Variants in RAB33A observed in about 807,000 individuals in gnomAD.
The protein encoded by RAB33A is RAB33A, member RAS oncogene family.
Under a neutral mutation model 12.0 loss-of-function variants are expected in RAB33A, and 6 were observed. That is an observed-to-expected ratio of 0.50 (90% CI 0.27 to 0.99). The LOEUF is 0.99. Among genes scored for constraint, RAB33A ranks in the 50% least tolerant of loss-of-function variants. The probability of loss-of-function intolerance (pLI) is 0.11; values close to 1 mark genes in which losing one functional copy is unlikely to be tolerated. For synonymous variants in RAB33A, 70 were observed against 82.4 expected, an observed-to-expected ratio of 0.85 and a Z score of 0.81; for missense variants, 109 against 192.0, an observed-to-expected ratio of 0.57 and a Z score of 2.55.
intron 1 of RAB33A, among the ~76,000 whole-genome samples, chrX:130,174,214 AC>A (rs1266640776): frequency 8.9e-6 from 1 of 112,527 alleles, no homozygotes; most frequent in Non-Finnish European, 1.9e-5. Context: ...TGACAGTGTG[AC>A]TCACTAGAAA....
chrX:130,152,346 G>C, the RAB33A span, among the ~76,000 whole-genome samples: 5 of 111,003 alleles, frequency 4.5e-5, no homozygotes, highest in Middle Eastern at 4.6e-3. Flanking sequence ...AGGTCGATCT[G>C]TCTGATATAT....
At chrX:130,139,903 C>T in the RAB33A span, 270 of 1,145,135 alleles carry the variant, frequency 2.4e-4, 4 homozygotes, top group East Asian at 8.0e-3. Flanking sequence ...CCCTTTAGCC[C>T]AACAAGCAGG....
At chrX:130,158,362 T>G in the RAB33A span, among the ~76,000 whole-genome samples, 6 of 112,343 alleles carry the variant, frequency 5.3e-5, no homozygotes, top group Non-Finnish European at 1.1e-4. Context: ...GGCTTTGGCC[T>G]GTGGCTGTAG....
the RAB33A span, chrX:130,149,694 A>G: frequency 1.9e-6 from 1 of 527,142 alleles, no homozygotes; most frequent in Non-Finnish European, 3.2e-6. Context: ...TGTCAAAACC[A>G]CTAAGACAAA....
the RAB33A span, chrX:130,155,390 C>G: frequency 9.9e-7 from 1 of 1,012,259 alleles, no homozygotes; most frequent in African/African-American, 1.9e-5. Context: ...TTTGGTTACC[C>G]TGTGCTAAAA....
At chrX:130,143,392 G>A in the RAB33A span, among the ~76,000 whole-genome samples, 120 of 111,765 alleles carry the variant, frequency 1.1e-3, 1 homozygote, top group Middle Eastern at 4.7e-3. Context: ...TCTCAGCTGT[G>A]GGTACACTGC....
chrX:130,132,445 C>T, the RAB33A span, among the ~76,000 whole-genome samples: 1 of 112,787 alleles, frequency 8.9e-6, no homozygotes, highest in Admixed American at 9.4e-5. Flanking sequence ...CTTGAAATTC[C>T]CTTTTTGAAG....
chrX:130,116,299 T>C, the RAB33A span, among the ~76,000 whole-genome samples: 1 of 109,054 alleles, frequency 9.2e-6, no homozygotes, highest in African/African-American at 3.4e-5. Flanking sequence ...TTTTGTATTA[T>C]TTTTATTATT....
chrX:130,137,546 A>G, the RAB33A span: 1 of 1,164,709 alleles, frequency 8.6e-7, no homozygotes, highest in South Asian at 1.9e-5. Flanking sequence ...ACATTAAGAA[A>G]ACTAGTTGCC....
chrX:130,125,922 A>C, the RAB33A span, among the ~76,000 whole-genome samples: 1 of 112,251 alleles, frequency 8.9e-6, no homozygotes, highest in African/African-American at 3.2e-5. Flanking sequence ...CTTTAAAAAC[A>C]TTAGGACACC....
the RAB33A span, chrX:130,165,739 G>A: frequency 3.7e-6 from 3 of 809,622 alleles, no homozygotes; most frequent in Non-Finnish European, 5.5e-6. Flanking sequence ...GCCCCGGCCA[G>A]CTCCCCCAGT....
the RAB33A span, among the ~76,000 whole-genome samples, chrX:130,148,833 CAAAAAAAAAAAA>C: frequency 6.0e-3 from 130 of 21,536 alleles, 1 homozygote; most frequent in Non-Finnish European, 8.3e-3. Context: ...AACTCCATCT[CAAAAAAAAAAAA>C]AAAAAAAAAA....
chrX:130,148,948 G>C, the RAB33A span, among the ~76,000 whole-genome samples: 9 of 79,801 alleles, frequency 1.1e-4, no homozygotes, highest in East Asian at 3.7e-3. Context: ...TTTAGACAGA[G>C]TCTTGCTCTG....
At chrX:130,183,271 T>C (rs1464459229) in intron 1 of RAB33A, among the ~76,000 whole-genome samples, 1 of 107,799 alleles carries the variant, frequency 9.3e-6, no homozygotes, top group Non-Finnish European at 1.9e-5. Flanking sequence ...TTTCCTGTTT[T>C]AAAAAAATTC....
chrX:130,152,913 G>GT, the RAB33A span, among the ~76,000 whole-genome samples: 163 of 112,007 alleles, frequency 1.5e-3, no homozygotes, highest in Non-Finnish European at 2.7e-3. Context: ...AGAAGCTAGA[G>GT]TAAGTGTATG....
the RAB33A span, among the ~76,000 whole-genome samples, chrX:130,118,763 G>A: frequency 1.8e-5 from 2 of 111,134 alleles, no homozygotes; most frequent in Non-Finnish European, 3.8e-5. Flanking sequence ...GCCTGCCTAT[G>A]TGCGTGTCTG....
the RAB33A span, among the ~76,000 whole-genome samples, chrX:130,111,655 G>T: frequency 3.6e-5 from 4 of 111,942 alleles, no homozygotes; most frequent in Non-Finnish European, 5.7e-5. Context: ...GGGCTAGGGG[G>T]AGAGGGGCTG....
the RAB33A span, among the ~76,000 whole-genome samples, chrX:130,125,587 G>A: frequency 2.0e-4 from 22 of 109,913 alleles, no homozygotes; most frequent in Non-Finnish European, 3.4e-4. Flanking sequence ...AGGGAAGGAC[G>A]TACAGAAGGG....
chrX:130,155,637 C>T, the RAB33A span, among the ~76,000 whole-genome samples: 11 of 111,856 alleles, frequency 9.8e-5, no homozygotes, highest in Non-Finnish European at 1.9e-5. Flanking sequence ...AATTCATTGT[C>T]TTACCAATGT....
Sources: gnomAD v4.1 joint callset for allele counts (sites outside exome capture counted in the v4.1 genomes callset) on GRCh38, gnomAD v4.1.1 for gene constraint, MANE v1.5 for transcripts, NCBI Gene and HGNC (gene_info 2026-07-23, HGNC 2026-07-21) for gene names.